LRRC4C: variants seen among roughly 807,000 people sequenced by gnomAD.
LRRC4C encodes leucine-rich repeat-containing protein 4C.
A neutral mutation model predicts 33.6 loss-of-function variants in LRRC4C; 5 were observed. That is an observed-to-expected ratio of 0.15 (90% CI 0.08 to 0.31). The LOEUF is 0.31. Ranked by LOEUF, LRRC4C falls within the 10% of genes least tolerant of loss-of-function variation. The pLI is 1.00. For missense variants in LRRC4C, 560 were observed against 796.7 expected (o/e 0.70, Z 3.58); for synonymous variants, 329 against 302.0 (o/e 1.09, Z -0.93).
At chr11:40,693,710 G>A (rs1426700410) in intron 2 of LRRC4C, among the ~76,000 whole-genome samples, 1 of 152,036 alleles carries the variant, frequency 6.6e-6, no homozygotes, top group Non-Finnish European at 1.5e-5. Context: ...CACAGCAAAA[G>A]AGCCAACTAT....
intron 1 of LRRC4C, among the ~76,000 whole-genome samples, chr11:40,944,394 T>C (rs1306595270): frequency 2.0e-5 from 3 of 152,186 alleles, no homozygotes; most frequent in Admixed American, 6.6e-5. Context: ...CAGAAAATTA[T>C]AAATCTGCAA....
intron 3 of LRRC4C, among the ~76,000 whole-genome samples, chr11:40,467,178 G>C (rs1423406023): frequency 2.0e-5 from 3 of 152,114 alleles, no homozygotes; most frequent in Non-Finnish European, 4.4e-5. Flanking sequence ...TTGAGGTAGA[G>C]AGTAGAAGTG....
At chr11:41,217,109 T>C (rs908074602) in intron 1 of LRRC4C, among the ~76,000 whole-genome samples, 5 of 152,200 alleles carry the variant, frequency 3.3e-5, no homozygotes, top group Admixed American at 3.3e-4. Flanking sequence ...TTTAAAATGA[T>C]TTATATGGAC....
intron 1 of LRRC4C, among the ~76,000 whole-genome samples, chr11:40,959,470 G>A (rs355230): frequency 0.84 from 127,332 of 151,542 alleles, 53,845 homozygotes; most frequent in Non-Finnish European, 0.88. Context: ...AATGTATTGC[G>A]TATCAATGGA....
At chr11:41,031,175 A>G (rs1295536472) in intron 1 of LRRC4C, among the ~76,000 whole-genome samples, 3 of 151,912 alleles carry the variant, frequency 2.0e-5, no homozygotes, top group East Asian at 3.9e-4. Context: ...GCTAGTAGGT[A>G]TTTGTACAGT....
chr11:40,712,575 G>T (rs1946521237), intron 2 of LRRC4C, among the ~76,000 whole-genome samples: 1 of 152,092 alleles, frequency 6.6e-6, no homozygotes. Flanking sequence ...TTACAAGAAT[G>T]CTGACCCATG....
At chr11:40,672,963 A>G (rs1278336292) in intron 2 of LRRC4C, among the ~76,000 whole-genome samples, 4 of 152,122 alleles carry the variant, frequency 2.6e-5, no homozygotes, top group Non-Finnish European at 4.4e-5. Flanking sequence ...TTGTGAGGTC[A>G]TAGGTGGAAA....
chr11:41,427,036 A>T (rs1447148764), intron 1 of LRRC4C, among the ~76,000 whole-genome samples: 1 of 152,204 alleles, frequency 6.6e-6, no homozygotes. Flanking sequence ...TGATAATTTC[A>T]GGGAGAAGGA....
intron 1 of LRRC4C, among the ~76,000 whole-genome samples, chr11:41,015,594 G>A (rs1310272972): frequency 5.3e-5 from 8 of 152,218 alleles, no homozygotes; most frequent in Admixed American, 2.0e-4. Flanking sequence ...GATTACAGGC[G>A]TGAGCCACTG....
intron 3 of LRRC4C, among the ~76,000 whole-genome samples, chr11:40,477,389 A>G (rs1374382055): frequency 1.3e-5 from 2 of 152,098 alleles, no homozygotes; most frequent in Non-Finnish European, 1.5e-5. Context: ...GTAAGAAGCT[A>G]ATTAGGAGAG....
intron 3 of LRRC4C, among the ~76,000 whole-genome samples, chr11:40,368,685 G>A (rs191482144): frequency 6.6e-6 from 1 of 152,258 alleles, no homozygotes; most frequent in African/African-American, 2.4e-5. Flanking sequence ...GCTAGCCTAA[G>A]TGGATTTCTG....
At chr11:41,235,980 A>G (rs1948004710) in intron 1 of LRRC4C, among the ~76,000 whole-genome samples, 1 of 152,004 alleles carries the variant, frequency 6.6e-6, no homozygotes, top group African/African-American at 2.4e-5. Flanking sequence ...GCCCAGCTAC[A>G]TTTTTCAGGC....
chr11:40,807,166 C>T (rs1456004948), intron 2 of LRRC4C, among the ~76,000 whole-genome samples: 3 of 152,166 alleles, frequency 2.0e-5, no homozygotes, highest in Admixed American at 1.3e-4. Context: ...CACCCCCACA[C>T]AGTTTTTTCC....
intron 3 of LRRC4C, among the ~76,000 whole-genome samples, chr11:40,404,421 C>T (rs1949881630): frequency 6.6e-6 from 1 of 152,128 alleles, no homozygotes; most frequent in Non-Finnish European, 1.5e-5. Flanking sequence ...CAGTGAATGG[C>T]ACCACCCACC....
chr11:40,801,525 T>C (rs1412078146), intron 2 of LRRC4C, among the ~76,000 whole-genome samples: 1 of 152,202 alleles, frequency 6.6e-6, no homozygotes, highest in African/African-American at 2.4e-5. Flanking sequence ...TGCACCTATT[T>C]TGTTTACCAC....
intron 2 of LRRC4C, among the ~76,000 whole-genome samples, chr11:40,910,903 C>G (rs948253988): frequency 6.6e-6 from 1 of 152,224 alleles, no homozygotes; most frequent in Non-Finnish European, 1.5e-5. Context: ...GATTATATCC[C>G]ATGCCTGGCT....
intron 1 of LRRC4C, among the ~76,000 whole-genome samples, chr11:41,026,045 A>G (rs570183310): frequency 4.0e-5 from 6 of 151,796 alleles, no homozygotes; most frequent in Non-Finnish European, 8.9e-5. Flanking sequence ...GGCTACTAAT[A>G]CAACATTCAT....
intron 2 of LRRC4C, among the ~76,000 whole-genome samples, chr11:40,793,830 C>T (rs957689088): frequency 1.3e-5 from 2 of 152,192 alleles, no homozygotes; most frequent in Non-Finnish European, 2.9e-5. Flanking sequence ...GTACTTATCA[C>T]ATTCTCTATC....
chr11:40,603,977 T>C (rs1419462122), intron 3 of LRRC4C, among the ~76,000 whole-genome samples: 1 of 152,184 alleles, frequency 6.6e-6, no homozygotes, highest in East Asian at 1.9e-4. Flanking sequence ...TAGGAGTAAT[T>C]TGAATAATCA....
Sources: gnomAD v4.1 joint callset for allele counts (sites outside exome capture counted in the v4.1 genomes callset) on GRCh38, gnomAD v4.1.1 for gene constraint, MANE v1.5 for transcripts, NCBI Gene and HGNC (gene_info 2026-07-23, HGNC 2026-07-21) for gene names.